Variants in TMCC1 observed in about 807,000 individuals in gnomAD.
TMCC1 encodes the protein transmembrane and coiled-coil domains protein 1.
In TMCC1, 15 loss-of-function variants were observed where a neutral mutation model predicts 52.4. The ratio of observed to expected loss-of-function variants is 0.29; its 90% CI spans 0.19 to 0.44. The LOEUF (loss-of-function observed/expected upper bound fraction) is 0.44, where lower values mean the gene tolerates loss of function less well. Among genes scored for constraint, TMCC1 ranks in the 20% least tolerant of loss-of-function variants. The pLI, the probability that TMCC1 is intolerant of heterozygous loss-of-function variation, is 1.00. For missense variants in TMCC1, 503 were observed against 806.0 expected (o/e 0.62, Z 4.55); for synonymous variants, 279 against 301.9 (o/e 0.92, Z 0.79).
chr3:129,725,965 C>A (rs963272440), intron 4 of TMCC1, among the ~76,000 whole-genome samples: 6 of 152,068 alleles, frequency 3.9e-5, no homozygotes, highest in African/African-American at 1.4e-4. Flanking sequence ...TACCCAAAAA[C>A]CTAAAGATAA....
rs924994267 is a variant in TMCC1, at chr3:129,807,094, A to G, written c.576+20709T>C. On this transcript the variant is annotated intron_variant, in intron 4 of 6. Transcript: ENST00000393238. Reference sequence around the variant, plus strand: ...CCTAAAAGACTACATAAGCTATGGTATCATTTTACAAAGCCCCCAAGCAGG... The same window carrying G: ...CCTAAAAGACTACATAAGCTATGGTGTCATTTTACAAAGCCCCCAAGCAGG... Among the ~76,000 whole-genome samples the G allele has an allele frequency of 2.6e-5, 4 of 152,216 alleles. No homozygotes were observed. In the East Asian group the frequency reaches 5.8e-4, roughly 22 times the overall value.
chr3:129,692,982 G>A (rs2108953547), intron 4 of TMCC1, among the ~76,000 whole-genome samples: 1 of 151,928 alleles, frequency 6.6e-6, no homozygotes, highest in South Asian at 2.1e-4. Context: ...AACTGGGACT[G>A]CAGGTGCACA....
intron 2 of TMCC1, chr3:129,869,046 C>T (rs953322380): frequency 6.6e-6 from 1 of 152,012 alleles, no homozygotes; most frequent in Non-Finnish European, 1.5e-5. Flanking sequence ...TTCCTTTCAA[C>T]CACACCTGAG....
At chr3:129,679,546 C>T (rs1361327051) in intron 4 of TMCC1, among the ~76,000 whole-genome samples, 4 of 152,042 alleles carry the variant, frequency 2.6e-5, no homozygotes, top group African/African-American at 7.3e-5. Context: ...CCTCGTGATC[C>T]GCCCACCTTG....
rs1442293032 is a variant in TMCC1 at position 129,729,438 on chromosome 3, G to GTAT, written c.577-58177_577-58175dup. Among the ~76,000 whole-genome samples the GTAT allele has an allele frequency of 5.3e-5, 8 of 152,286 alleles. No individual in the cohort carries two copies. The East Asian group carries it at 1.5e-3, about 29-fold the overall frequency. On this transcript the variant is annotated intron_variant, in intron 4 of 6. Coordinates refer to ENST00000393238, the MANE Select transcript of TMCC1 (RefSeq NM_001017395.5). ...GAATCTGTTTAAGACATTTGACCAT[G>GTAT]TATTATATAGGGTTTAAAAATAAAA...
chr3:129,795,270 G>T (rs1205499627), intron 4 of TMCC1, among the ~76,000 whole-genome samples: 1 of 152,198 alleles, frequency 6.6e-6, no homozygotes, highest in Non-Finnish European at 1.5e-5. Context: ...AAAAATAACT[G>T]TAAGAGCAGT....
chr3:129,720,862 T>C (rs1470045718), intron 4 of TMCC1, among the ~76,000 whole-genome samples: 1 of 151,878 alleles, frequency 6.6e-6, no homozygotes, highest in East Asian at 1.9e-4. Context: ...GCCTGGCTAA[T>C]TTTTATTTTT....
At chr3:129,756,543 C>T (rs568964264) in intron 4 of TMCC1, among the ~76,000 whole-genome samples, 4 of 152,082 alleles carry the variant, frequency 2.6e-5, no homozygotes, top group Non-Finnish European at 4.4e-5. Context: ...GGACTACAGG[C>T]GCCCACCACC....
At chr3:129,854,041 C>T (rs1308538532) in intron 2 of TMCC1, among the ~76,000 whole-genome samples, 3 of 152,270 alleles carry the variant, frequency 2.0e-5, no homozygotes, top group South Asian at 2.1e-4. Context: ...CTAACCAATA[C>T]CCCTACATCC....
intron 2 of TMCC1, among the ~76,000 whole-genome samples, chr3:129,858,682 C>CT (rs2060250902): frequency 6.6e-6 from 1 of 152,040 alleles, no homozygotes; most frequent in Non-Finnish European, 1.5e-5. Context: ...ATTATTTTTT[C>CT]TTATAAAATG....
At chr3:129,838,752 C>CAAAAA (rs35240365) in intron 2 of TMCC1, among the ~76,000 whole-genome samples, 1 of 65,826 alleles carries the variant, frequency 1.5e-5, no homozygotes, top group Non-Finnish European at 2.5e-5. Context: ...GACTCTGTCT[C>CAAAAA]AAAAAAAAAA....
At chr3:129,874,770 T>C (rs1249458895) in intron 2 of TMCC1, among the ~76,000 whole-genome samples, 1 of 152,064 alleles carries the variant, frequency 6.6e-6, no homozygotes, top group African/African-American at 2.4e-5. Context: ...GGTGGGAGGA[T>C]GGCTTGAGCC....
chr3:129,805,154 T>C (rs947420264), intron 4 of TMCC1, among the ~76,000 whole-genome samples: 20 of 151,400 alleles, frequency 1.3e-4, no homozygotes, highest in African/African-American at 4.8e-4. Flanking sequence ...GTCACCTTTT[T>C]ATTTATTTAT....
intron 4 of TMCC1, among the ~76,000 whole-genome samples, chr3:129,761,757 G>A (rs1175695823): frequency 6.6e-6 from 1 of 152,058 alleles, no homozygotes; most frequent in Non-Finnish European, 1.5e-5. Flanking sequence ...TTGGGACGCT[G>A]AGGCAGGCGG....
intron 4 of TMCC1, among the ~76,000 whole-genome samples, chr3:129,797,435 C>A (rs181584372): frequency 5.9e-5 from 9 of 152,060 alleles, no homozygotes; most frequent in African/African-American, 2.2e-4. Context: ...AATTACCTAA[C>A]CAAAATGTAT....
chr3:129,763,455 AGAATCGCCT>A (rs2053804193), intron 4 of TMCC1, among the ~76,000 whole-genome samples: 1 of 141,950 alleles, frequency 7.0e-6, no homozygotes, highest in Admixed American at 7.2e-5. Flanking sequence ...CTGAGGTGGG[AGAATCGCCT>A]GAACCCAGGA....
chr3:129,848,161 G>A (rs1194592933), intron 2 of TMCC1, among the ~76,000 whole-genome samples: 2 of 152,034 alleles, frequency 1.3e-5, no homozygotes, highest in South Asian at 4.1e-4. Flanking sequence ...TTTTAACTTG[G>A]ATGAAATCCA....
At chr3:129,784,295 T>C (rs1190276238) in intron 4 of TMCC1, among the ~76,000 whole-genome samples, 3 of 151,988 alleles carry the variant, frequency 2.0e-5, no homozygotes, top group East Asian at 3.8e-4. Context: ...AAAAAAGTAA[T>C]AGGCTGGGCA....
At chr3:129,748,783 T>A (rs1199325677) in intron 4 of TMCC1, among the ~76,000 whole-genome samples, 1 of 151,964 alleles carries the variant, frequency 6.6e-6, no homozygotes, top group Non-Finnish European at 1.5e-5. Context: ...CGGACAGATC[T>A]CTTAAGCCCG....
Sources: allele counts gnomAD v4.1 joint callset (sites outside exome capture counted in the v4.1 genomes callset), GRCh38; gene constraint gnomAD v4.1.1; transcripts MANE v1.5; gene names NCBI Gene and HGNC (gene_info 2026-07-23, HGNC 2026-07-21).